LSAMP: variants seen among roughly 807,000 people sequenced by gnomAD.
The protein encoded by LSAMP is limbic system-associated membrane protein.
LSAMP carries 7 observed loss-of-function variants against 38.6 expected under a neutral mutation model. The observed-to-expected ratio is 0.18, with a 90% CI of 0.10 to 0.34. The LOEUF is 0.34. Among genes scored for constraint, LSAMP ranks in the 10% least tolerant of loss-of-function variants. LSAMP has a pLI of 1.00. For missense variants in LSAMP, 313 were observed against 420.0 expected (o/e 0.75, Z 2.23); for synonymous variants, 154 against 166.8 (o/e 0.92, Z 0.59).
At chr3:115,852,730 A>T in intron 3 of LSAMP, 113 bp from the exon 4 acceptor site, 1 of 1,087,616 alleles carries the variant, frequency 9.2e-7, no homozygotes, top group Non-Finnish European at 1.3e-6. Context: ...TGATTTGAAA[A>T]TGTACTTTGT....
chr3:116,238,634 A>G (rs1261598254), intron 1 of LSAMP, among the ~76,000 whole-genome samples: 1 of 152,140 alleles, frequency 6.6e-6, no homozygotes, highest in South Asian at 2.1e-4. Flanking sequence ...CTATTTCATC[A>G]TGGTAGTAGA....
At chr3:116,260,116 G>A (rs1301922511) in intron 1 of LSAMP, among the ~76,000 whole-genome samples, 1 of 152,072 alleles carries the variant, frequency 6.6e-6, no homozygotes, top group Admixed American at 6.6e-5. Context: ...TTCAGAAGAT[G>A]GTTTTATGTG....
At chr3:116,057,120 G>A (rs910945169) in intron 2 of LSAMP, among the ~76,000 whole-genome samples, 2 of 152,100 alleles carry the variant, frequency 1.3e-5, no homozygotes, top group African/African-American at 4.8e-5. Flanking sequence ...AAGATCCTTT[G>A]ACAAACTATC....
intron 1 of LSAMP, among the ~76,000 whole-genome samples, chr3:116,326,421 C>G (rs922916350): frequency 6.6e-6 from 1 of 152,152 alleles, no homozygotes; most frequent in Non-Finnish European, 1.5e-5. Flanking sequence ...CAACCATCCT[C>G]TAGCAGAACT....
rs142746144 is a variant in LSAMP, at chr3:116,066,988, A to G, written c.388+19336T>C. Reference sequence around the variant, plus strand: ...TCATTTGTTACAGAATCCCTGTGATATTACTATTTAGAAAGAGAAGCCTCA... The same window carrying G: ...TCATTTGTTACAGAATCCCTGTGATGTTACTATTTAGAAAGAGAAGCCTCA... On this transcript the variant is annotated intron_variant, in intron 2 of 6. Coordinates refer to ENST00000490035, the MANE Select transcript of LSAMP (RefSeq NM_002338.5). Among the ~76,000 whole-genome samples, 295 of 152,256 alleles carry G rather than the reference A, an allele frequency of 1.9e-3. 1 individual carries two copies. The highest frequency in any genetic ancestry group is 2.9e-3 in the Non-Finnish European group (200 of 68,014).
chr3:116,161,215 T>A (rs1003477447), intron 1 of LSAMP, among the ~76,000 whole-genome samples: 1 of 152,106 alleles, frequency 6.6e-6, no homozygotes, highest in African/African-American at 2.4e-5. Flanking sequence ...CCCACCACAG[T>A]GAGGAAGCAA....
At chr3:115,855,753 G>A (rs1173817032) in intron 3 of LSAMP, among the ~76,000 whole-genome samples, 1 of 152,154 alleles carries the variant, frequency 6.6e-6, no homozygotes, top group Non-Finnish European at 1.5e-5. Flanking sequence ...CTGACTGGCT[G>A]CTCTCAACCC....
chr3:116,097,247 G>A (rs978244870), intron 1 of LSAMP, among the ~76,000 whole-genome samples: 1 of 152,134 alleles, frequency 6.6e-6, no homozygotes, highest in South Asian at 2.1e-4. Flanking sequence ...TCCATGTAGG[G>A]TTTATTCTTT....
intron 6 of LSAMP, among the ~76,000 whole-genome samples, chr3:115,813,442 C>T (rs1933905327): frequency 6.6e-6 from 1 of 152,078 alleles, no homozygotes; most frequent in Admixed American, 6.6e-5. Flanking sequence ...ATGATGTTCA[C>T]AAGAATGAAG....
rs1472930538 is a variant in LSAMP, at chr3:115,900,580, AAG to A, written c.515-47965_515-47964del. On this transcript the variant is annotated intron_variant, in intron 3 of 6. Coordinates refer to ENST00000490035, the MANE Select transcript of LSAMP (RefSeq NM_002338.5). ...AGCTTTTGCCACAAACTCTGACCCT[AAG>A]GCTAAAAGACCAGAGATTTGTGAAC... Among the ~76,000 whole-genome samples, 4 of 152,122 alleles carry A rather than the reference AAG, an allele frequency of 2.6e-5. No homozygotes were observed. The East Asian group carries it at 7.7e-4, about 29-fold the overall frequency.
chr3:116,416,491 T>C (rs907180130), intron 1 of LSAMP, among the ~76,000 whole-genome samples: 5 of 152,146 alleles, frequency 3.3e-5, no homozygotes, highest in Non-Finnish European at 5.9e-5. Context: ...AGAAAGTGAT[T>C]GAAAGTGTCA....
intron 1 of LSAMP, among the ~76,000 whole-genome samples, chr3:116,109,424 T>G (rs1191187211): frequency 6.6e-6 from 1 of 151,938 alleles, no homozygotes; most frequent in Non-Finnish European, 1.5e-5. Context: ...CAGCAACGCT[T>G]GGGGTTGGGA....
chr3:116,139,776 A>G (rs143650423), intron 1 of LSAMP, among the ~76,000 whole-genome samples: 15 of 152,096 alleles, frequency 9.9e-5, no homozygotes, highest in Admixed American at 2.0e-4. Flanking sequence ...AGATGCAGCT[A>G]GAGACAACAA....
At chr3:116,420,114 T>C (rs1372671726) in intron 1 of LSAMP, among the ~76,000 whole-genome samples, 1 of 151,706 alleles carries the variant, frequency 6.6e-6, no homozygotes, top group Admixed American at 6.6e-5. Flanking sequence ...TTTTTTTTTT[T>C]CAAGAGAAAG....
chr3:116,250,667 G>C (rs560721000), intron 1 of LSAMP, among the ~76,000 whole-genome samples: 1 of 149,200 alleles, frequency 6.7e-6, no homozygotes, highest in South Asian at 2.1e-4. Flanking sequence ...TTTGAGACCA[G>C]CCTGGGCAAG....
chr3:115,837,995 T>C (rs1387783313), intron 6 of LSAMP: 2 of 152,230 alleles, frequency 1.3e-5, no homozygotes, highest in East Asian at 1.9e-4. Flanking sequence ...AAGTTTAATA[T>C]GGTGGCCTCC....
intron 3 of LSAMP, among the ~76,000 whole-genome samples, chr3:115,905,472 G>A (rs1421630786): frequency 6.6e-6 from 1 of 151,954 alleles, no homozygotes; most frequent in Non-Finnish European, 1.5e-5. Context: ...CCCCCAAAAT[G>A]TACCTGTTCA....
At chr3:116,385,501 T>C (rs1177218948) in intron 1 of LSAMP, among the ~76,000 whole-genome samples, 2 of 152,146 alleles carry the variant, frequency 1.3e-5, no homozygotes, top group Non-Finnish European at 2.9e-5. Context: ...AAGTTGAATC[T>C]CAAATCCAAA....
chr3:116,175,964 AAC>A (rs1464548590), intron 1 of LSAMP, among the ~76,000 whole-genome samples: 1 of 152,168 alleles, frequency 6.6e-6, no homozygotes, highest in Non-Finnish European at 1.5e-5. Flanking sequence ...CTTGTGCAAT[AAC>A]ACAGAATCGT....
Sources: allele counts gnomAD v4.1 joint callset (sites outside exome capture counted in the v4.1 genomes callset), GRCh38; gene constraint gnomAD v4.1.1; transcripts MANE v1.5; gene names NCBI Gene and HGNC (gene_info 2026-07-23, HGNC 2026-07-21).